The following UNC93A variants were observed in gnomAD, a reference collection of about 807,000 sequenced individuals.
UNC93A encodes the protein N-acetylglucosamine transporter UNC93A.
UNC93A carries 43 observed loss-of-function variants against 47.5 expected under a neutral mutation model. That is an observed-to-expected ratio of 0.91 (90% CI 0.71 to 1.17). The LOEUF (loss-of-function observed/expected upper bound fraction) is 1.17. Among genes scored for constraint, UNC93A ranks in the 50% most tolerant of loss-of-function variants. The pLI is 0.00. For synonymous variants in UNC93A, 280 were observed against 258.0 expected (o/e 1.09, Z -0.82); for missense variants, 605 against 577.6 (o/e 1.05, Z -0.49).
intron 1 of UNC93A, among the ~76,000 whole-genome samples, chr6:167,293,150 G>C (rs1171599371): frequency 6.6e-6 from 1 of 152,146 alleles, no homozygotes; most frequent in Non-Finnish European, 1.5e-5. Flanking sequence ...TGCCTCATTG[G>C]GGAATCACTC....
intron 3 of UNC93A, 63 bp downstream of exon 3, chr6:167,296,324 A>T (rs1301562713): frequency 6.4e-7 from 1 of 1,552,728 alleles, no homozygotes; most frequent in African/African-American, 1.4e-5. Context: ...GATGGGGGAG[A>T]GGGTTCCTGA....
chr6:167,314,612 G>C (rs1204378650), intron 7 of UNC93A, among the ~76,000 whole-genome samples: 1 of 152,234 alleles, frequency 6.6e-6, no homozygotes, highest in African/African-American at 2.4e-5. Flanking sequence ...GAACTGCTTA[G>C]CACCAACGTG....
intron 3 of UNC93A, 56 bp downstream of exon 3, chr6:167,296,317 G>A (rs1406331974): frequency 6.4e-7 from 1 of 1,569,048 alleles, no homozygotes; most frequent in Non-Finnish European, 8.8e-7. Context: ...TTTCAGTGAT[G>A]GGGGAGAGGG....
At chr6:167,274,593 A>ATG (rs1783507645) in intron 1 of UNC93A, among the ~76,000 whole-genome samples, 1 of 152,114 alleles carries the variant, frequency 6.6e-6, no homozygotes, top group Non-Finnish European at 1.5e-5. Flanking sequence ...CCTGCAGTTG[A>ATG]TGTTTTCTCT....
intron 6 of UNC93A, 33 bp downstream of exon 6, chr6:167,306,083 C>T: frequency 1.9e-6 from 3 of 1,610,898 alleles, no homozygotes; most frequent in Non-Finnish European, 2.5e-6. Context: ...TCCCAGCTGT[C>T]ATAACGATTT....
chr6:167,299,941 C>T lies in UNC93A; in HGVS notation c.625+1871C>T, dbSNP rs138571378. On this transcript the variant is annotated intron_variant, in intron 4 of 7. Coordinates refer to ENST00000230256, the MANE Select transcript of UNC93A (RefSeq NM_018974.4). ...GTGACTTAGAGGTGCAGAGAGACAG[C>T]GGGCAGAGACCCACTGAGGACGGAG... Among the ~76,000 whole-genome samples, 278 of 152,274 alleles carry T rather than the reference C, an allele frequency of 1.8e-3. 1 individual carries two copies. The highest frequency in any genetic ancestry group is 3.2e-3 in the Non-Finnish European group (217 of 68,026).
intron 1 of UNC93A, among the ~76,000 whole-genome samples, chr6:167,271,745 C>A (rs1783454601): frequency 6.6e-6 from 1 of 152,140 alleles, no homozygotes; most frequent in Non-Finnish European, 1.5e-5. Context: ...ATCATGCACA[C>A]ACATGGGAGC....
intron 3 of UNC93A, 146 bp from the exon 4 acceptor site, chr6:167,297,799 A>T: frequency 1.0e-6 from 1 of 986,284 alleles, no homozygotes; most frequent in Non-Finnish European, 1.5e-6. Context: ...ATCTATTTTG[A>T]GACACTGGGT....
In UNC93A at chr6:167,313,756, T is replaced by C. The variant is rs572824857; in HGVS notation, c.1109-1431T>C. On this transcript the variant is annotated intron_variant, in intron 7 of 7. Transcript: ENST00000230256. ...AGAACATGGCATGATCTACCACTTA[T>C]AGCCATGGTGTCTCAACTTGGATTT... 1.8e-3 allele frequency among the ~76,000 whole-genome samples: 278 copies of C among 152,272 alleles called. 4 individuals carry two copies. Among genetic ancestry groups the C allele is most frequent in the African/African-American group, 6.5e-3 (271 of 41,530 alleles).
intron 4 of UNC93A, among the ~76,000 whole-genome samples, chr6:167,300,875 A>C (rs1276113889): frequency 6.6e-6 from 1 of 152,240 alleles, no homozygotes; most frequent in Non-Finnish European, 1.5e-5. Flanking sequence ...TATCTATAAA[A>C]GAACAGAATT....
intron 7 of UNC93A, among the ~76,000 whole-genome samples, chr6:167,308,890 C>G (rs1778479370): frequency 6.6e-6 from 1 of 152,086 alleles, no homozygotes; most frequent in South Asian, 2.1e-4. Flanking sequence ...AAGGTGACAT[C>G]CCATGATGAT....
chr6:167,270,812 G>A (rs749536172), upstream of UNC93A, among the ~76,000 whole-genome samples: 10 of 152,228 alleles, frequency 6.6e-5, no homozygotes, highest in Non-Finnish European at 1.3e-4. Flanking sequence ...CAAGGCATTG[G>A]CGCCCTCCCG....
In UNC93A at chr6:167,298,002, C is replaced by T. The variant is rs748012027; in HGVS notation, c.557C>T (p.Thr186Ile). Residue 186 changes from threonine (T) to isoleucine (I), a missense_variant, in exon 4 of 8, where the codon ACC becomes ATC. Coordinates refer to ENST00000230256, the MANE Select transcript of UNC93A (RefSeq NM_018974.4). ...GGGGCCAGTGACTGCCTGATGGCCA[C>T]CACAACCACCAACAGCACCCAGAGG... Reference protein sequence around the residue: ...SCGASDCLMATTTTNSTQRPS... With the variant: ...SCGASDCLMAITTTNSTQRPS... 13 of 1,614,138 alleles carry T rather than the reference C, an allele frequency of 8.1e-6. No homozygotes were observed. In the South Asian group the frequency reaches 1.4e-4, roughly 18 times the overall value.
Position 167,277,736 on chromosome 6 carries a change from T to C in UNC93A, c.-52+6278T>C, listed in dbSNP as rs180794219. On this transcript the variant is annotated intron_variant, in intron 1 of 3. Transcript: ENST00000503433. ...CTATCTGTCTCTGTCTCTATAACTC[T>C]TTCTGTCTCTCTGGCTATCTCTGTC... 2.1e-4 allele frequency among the ~76,000 whole-genome samples: 32 copies of C among 152,076 alleles called. 1 individual carries two copies. In the East Asian group the frequency reaches 6.0e-3, roughly 28 times the overall value.
chr6:167,291,692 T>A, intron 1 of UNC93A, 116 bp downstream of exon 1: 1 of 967,926 alleles, frequency 1.0e-6, no homozygotes. Context: ...TGTTTCTTTT[T>A]CACTCTGTAC....
chr6:167,296,137 G>C lies in UNC93A; in HGVS notation c.375G>C (p.Lys125Asn), dbSNP rs780488509. 6.2e-7 allele frequency: 1 copy of C among 1,614,224 alleles called. No individual in the cohort carries two copies. The highest frequency in any genetic ancestry group is 1.1e-5 in the South Asian group (1 of 91,088). Reference protein sequence around the residue: ...LTITGNTHAEKAGKRGKDMVN... With the variant: ...LTITGNTHAENAGKRGKDMVN... ...TCACGGGAAACACACATGCAGAGAAGGCGGGAAAGCGTGGCAAAGACATGG... is the reference window on the plus strand; with the variant it reads ...TCACGGGAAACACACATGCAGAGAACGCGGGAAAGCGTGGCAAAGACATGG... The change falls in exon 3 of 8, where the codon AAG becomes AAC. Residue 125 changes from lysine (K) to asparagine (N), a missense_variant. By Grantham distance (94) the Lys-to-Asn change is moderately conservative. Coordinates refer to ENST00000230256, the MANE Select transcript of UNC93A (RefSeq NM_018974.4).
At chr6:167,273,799 G>C (rs927792981) in intron 1 of UNC93A, among the ~76,000 whole-genome samples, 6 of 151,678 alleles carry the variant, frequency 4.0e-5, no homozygotes, top group African/African-American at 1.5e-4. Context: ...ATTGGCAGTT[G>C]GTTGAAAGAG....
chr6:167,314,059 C>T (rs73264885), intron 7 of UNC93A, among the ~76,000 whole-genome samples: 15,617 of 152,142 alleles, frequency 0.1, 1,015 homozygotes, highest in African/African-American at 0.19. Flanking sequence ...CTGCTGTAAG[C>T]GCATCTGCGT....
rs1313883353 is a variant in UNC93A at position 167,301,512 on chromosome 6, T to G, written c.626-2407T>G. On this transcript the variant is annotated intron_variant, in intron 4 of 7. Transcript: ENST00000230256. ...CTTTCCTGGGTTTCTGAGCATTGCATTCATAGTCAAGTTTCTTGCAAAGAG... is the reference window on the plus strand; with the variant it reads ...CTTTCCTGGGTTTCTGAGCATTGCAGTCATAGTCAAGTTTCTTGCAAAGAG... Among the ~76,000 whole-genome samples, 7 of 152,268 alleles carry G rather than the reference T, an allele frequency of 4.6e-5. No homozygotes were observed. In the South Asian group the frequency reaches 1.5e-3, roughly 32 times the overall value.
Sources: gnomAD v4.1 joint callset for allele counts (sites outside exome capture counted in the v4.1 genomes callset) on GRCh38, gnomAD v4.1.1 for gene constraint, MANE v1.5 for transcripts, NCBI Gene and HGNC (gene_info 2026-07-23, HGNC 2026-07-21) for gene names.